Variants in AP3B1 observed in about 807,000 individuals in gnomAD.
The protein encoded by AP3B1 is adaptor related protein complex 3 subunit beta 1.
Under a neutral mutation model 132.5 loss-of-function variants are expected in AP3B1, and 61 were observed. The ratio of observed to expected loss-of-function variants is 0.46; its 90% CI spans 0.37 to 0.57. The LOEUF (loss-of-function observed/expected upper bound fraction) is 0.57, where lower values mean the gene tolerates loss of function less well. Ranked by LOEUF, AP3B1 falls within the 20% of genes least tolerant of loss-of-function variation. The pLI is 0.00. For synonymous variants in AP3B1, 388 were observed against 438.3 expected (o/e 0.89, Z 1.43); for missense variants, 1,120 against 1,289.4 (o/e 0.87, Z 2.01).
In AP3B1 at chr5:78,027,822, G is replaced by A. The variant is rs898929952; in HGVS notation, c.2894+6539C>T. Among the ~76,000 whole-genome samples the A allele has an allele frequency of 1.2e-4, 18 of 152,100 alleles. 1 individual carries two copies. The East Asian group carries it at 3.3e-3, about 28-fold the overall frequency. ...GATTTTCTGTTGATTCCAACTTTAT[G>A]GGTTAATAATTATGTTGAATAGGCC... On this transcript the variant is annotated intron_variant, in intron 24 of 26. Transcript: ENST00000255194.
rs147595141 is a variant in AP3B1, at chr5:78,068,812, A to C, written c.2577+20581T>G. On this transcript the variant is annotated intron_variant, in intron 22 of 26. Coordinates refer to ENST00000255194, the MANE Select transcript of AP3B1 (RefSeq NM_003664.5). Reference sequence around the variant, plus strand: ...GAGATAACAACAAAAAAAAAAGCAAACTTCAGGCCAATATCCCTGATGAAC... The same window carrying C: ...GAGATAACAACAAAAAAAAAAGCAACCTTCAGGCCAATATCCCTGATGAAC... 3.1e-3 allele frequency among the ~76,000 whole-genome samples: 473 copies of C among 152,160 alleles called. 2 individuals carry two copies. The highest frequency in any genetic ancestry group is 0.011 in the African/African-American group (451 of 41,520).
At chr5:78,020,943 C>T (rs1356224410) in intron 24 of AP3B1, among the ~76,000 whole-genome samples, 154 bp from the exon 25 acceptor site, 1 of 151,848 alleles carries the variant, frequency 6.6e-6, no homozygotes, top group Non-Finnish European at 1.5e-5. Flanking sequence ...TAAACATTTT[C>T]CCAAACAAAC....
At chr5:78,039,739 C>A (rs1196321619) in intron 22 of AP3B1, among the ~76,000 whole-genome samples, 3 of 144,888 alleles carry the variant, frequency 2.1e-5, no homozygotes, top group African/African-American at 7.8e-5. Flanking sequence ...GATCGCGCCA[C>A]TGCACTCCAG....
At chr5:78,037,943 G>A (rs1042678185) in intron 23 of AP3B1, among the ~76,000 whole-genome samples, 47 of 152,250 alleles carry the variant, frequency 3.1e-4, no homozygotes, top group Non-Finnish European at 3.4e-4. Context: ...TTCAAAGTAA[G>A]ACACACAATT....
At position 78,116,237 on chromosome 5, in the gene AP3B1, G is replaced by A. The variant is rs1751823512; in HGVS notation, c.1969-3C>T. 1 of 1,606,172 alleles carries A rather than the reference G, an allele frequency of 6.2e-7. No homozygotes were observed. Among genetic ancestry groups the A allele is most frequent in the African/African-American group, 1.3e-5 (1 of 74,702 alleles). The stretch of plus-strand genomic sequence containing the variant: ...CCTGCTGGGGTCCATTCTTTTGCCT[G>A]TTTAAACAAATAAAGTAAATATAAA... On this transcript the variant is annotated splice_polypyrimidine_tract_variant and splice_region_variant and intron_variant, in intron 17 of 26. Transcript: ENST00000255194.
chr5:78,066,700 C>A (rs1017682375), intron 22 of AP3B1, among the ~76,000 whole-genome samples: 22 of 151,992 alleles, frequency 1.4e-4, no homozygotes, highest in African/African-American at 5.1e-4. Context: ...GATTGGGGTA[C>A]CTAAAAGAGA....
At chr5:78,198,240 C>T (rs1014704942) in intron 7 of AP3B1, among the ~76,000 whole-genome samples, 4 of 152,280 alleles carry the variant, frequency 2.6e-5, no homozygotes, top group Non-Finnish European at 5.9e-5. Context: ...CCTGCTGTGG[C>T]CTGAGACTCT....
intron 7 of AP3B1, among the ~76,000 whole-genome samples, chr5:78,194,645 A>C (rs1745005459): frequency 6.6e-6 from 1 of 152,212 alleles, no homozygotes; most frequent in Admixed American, 6.5e-5. Flanking sequence ...TTCTAGAGCT[A>C]AGGCAGTTAA....
At chr5:78,171,278 T>G (rs1743903197) in intron 11 of AP3B1, among the ~76,000 whole-genome samples, 1 of 152,164 alleles carries the variant, frequency 6.6e-6, no homozygotes, top group Admixed American at 6.5e-5. Context: ...AAGGAAGTCA[T>G]TGGTAGCTTG....
At chr5:78,281,403 C>T (rs1005451943) in intron 1 of AP3B1, among the ~76,000 whole-genome samples, 4 of 138,042 alleles carry the variant, frequency 2.9e-5, no homozygotes, top group Non-Finnish European at 6.0e-5. Context: ...CACTGCACTC[C>T]AGCCTGGGCA....
chr5:78,006,468 C>A (rs373299408), intron 26 of AP3B1, among the ~76,000 whole-genome samples: 4 of 152,140 alleles, frequency 2.6e-5, no homozygotes, highest in Non-Finnish European at 5.9e-5. Context: ...TAATTCAAAG[C>A]GTGCGGACTT....
intron 2 of AP3B1, among the ~76,000 whole-genome samples, chr5:78,254,546 A>T (rs546370473): frequency 7.2e-5 from 11 of 152,248 alleles, no homozygotes; most frequent in African/African-American, 2.6e-4. Context: ...AAGGTTTCCT[A>T]ACATATTTAA....
intron 7 of AP3B1, among the ~76,000 whole-genome samples, chr5:78,191,479 C>T (rs141774676): frequency 7.2e-5 from 11 of 151,938 alleles, no homozygotes; most frequent in East Asian, 1.9e-4. Flanking sequence ...GGCCAGGATC[C>T]GCCAAAAATT....
intron 2 of AP3B1, among the ~76,000 whole-genome samples, chr5:78,259,588 T>G (rs1253211181): frequency 6.6e-6 from 1 of 152,214 alleles, no homozygotes; most frequent in Non-Finnish European, 1.5e-5. Flanking sequence ...CCCCATGATG[T>G]GCTTATTTCA....
At chr5:78,095,114 T>G (rs1281737706) in intron 21 of AP3B1, among the ~76,000 whole-genome samples, 2 of 152,224 alleles carry the variant, frequency 1.3e-5, no homozygotes, top group Admixed American at 1.3e-4. Context: ...AATTGCCAGT[T>G]TATCTGTTTT....
chr5:78,145,688 T>C (rs550849429), intron 14 of AP3B1, among the ~76,000 whole-genome samples: 2 of 152,194 alleles, frequency 1.3e-5, no homozygotes, highest in Non-Finnish European at 2.9e-5. Context: ...CATTGTGCAA[T>C]GGCTCCCTTA....
chr5:78,201,351 G>A (rs1745282044), intron 7 of AP3B1, among the ~76,000 whole-genome samples: 1 of 152,118 alleles, frequency 6.6e-6, no homozygotes, highest in Non-Finnish European at 1.5e-5. Context: ...GTGCAAGAAT[G>A]TTCCTAACAG....
chr5:78,230,394 C>A (rs563622648), intron 3 of AP3B1, among the ~76,000 whole-genome samples: 1 of 144,756 alleles, frequency 6.9e-6, no homozygotes, highest in African/African-American at 2.5e-5. Context: ...TTAAACACAA[C>A]CATTTTAAGT....
chr5:78,215,450 A>G (rs1250724307), intron 7 of AP3B1, among the ~76,000 whole-genome samples: 2 of 152,174 alleles, frequency 1.3e-5, no homozygotes, highest in Non-Finnish European at 2.9e-5. Context: ...AAAAAAAAGA[A>G]TAAGGCGTAC....
Sources: gnomAD v4.1 joint callset for allele counts (sites outside exome capture counted in the v4.1 genomes callset) on GRCh38, gnomAD v4.1.1 for gene constraint, MANE v1.5 for transcripts, NCBI Gene and HGNC (gene_info 2026-07-23, HGNC 2026-07-21) for gene names.